The following THSD4 variants were observed in gnomAD, a reference collection of about 807,000 sequenced individuals.
THSD4 encodes thrombospondin type-1 domain-containing protein 4.
THSD4 carries 69 observed loss-of-function variants against 119.0 expected under a neutral mutation model. That is an observed-to-expected ratio of 0.58 (90% CI 0.48 to 0.71). THSD4 has a LOEUF of 0.71. Ranked by LOEUF, THSD4 falls within the 30% of genes least tolerant of loss-of-function variation. THSD4 has a pLI of 0.00. For missense variants in THSD4, 1,393 were observed against 1,391.1 expected (o/e 1.00, Z -0.02); for synonymous variants, 524 against 540.4 (o/e 0.97, Z 0.42).
At chr15:71,311,092 A>G (rs558511546) in intron 6 of THSD4, among the ~76,000 whole-genome samples, 25 of 152,120 alleles carry the variant, frequency 1.6e-4, no homozygotes, top group Non-Finnish European at 2.8e-4. Flanking sequence ...GAGCCTTCCA[A>G]TTTCTTAACT....
intron 7 of THSD4, among the ~76,000 whole-genome samples, chr15:71,563,281 G>A (rs915087249): frequency 6.6e-6 from 1 of 152,118 alleles, no homozygotes; most frequent in Non-Finnish European, 1.5e-5. Context: ...GAGTCTTGCT[G>A]GAGGACCCAC....
At chr15:71,588,428 T>C (rs1188224669) in intron 7 of THSD4, among the ~76,000 whole-genome samples, 1 of 152,022 alleles carries the variant, frequency 6.6e-6, no homozygotes, top group African/African-American at 2.4e-5. Flanking sequence ...TTAATTTATT[T>C]ATTTATTTTT....
In THSD4 at chr15:71,243,047, CA is replaced by C; in HGVS notation, c.865del (p.Ile289SerfsTer51). On this transcript the variant is annotated frameshift_variant, in exon 5 of 18. Transcript: ENST00000261862. LOFTEE classifies it high-confidence loss of function. ...TTCTCTCAGCCTGCCCGATCTACAG[CA>C]ATCTCATGCATCGGGGCCTATCGGC... is the stretch of plus-strand genomic sequence containing the variant. ...QSFSQPARST[A>X]ISCIGAYRQY... The C allele has an allele frequency of 6.2e-7, 1 of 1,614,206 alleles. No individual in the cohort carries two copies. The highest frequency in any genetic ancestry group is 1.3e-5 in the African/African-American group (1 of 75,072).
intron 8 of THSD4, among the ~76,000 whole-genome samples, chr15:71,718,679 G>A (rs888056032): frequency 2.0e-5 from 3 of 151,970 alleles, no homozygotes; most frequent in Non-Finnish European, 2.9e-5. Flanking sequence ...CGCTCCCAGC[G>A]CCCCACAACT....
chr15:71,520,016 G>C (rs1357983401), intron 7 of THSD4, among the ~76,000 whole-genome samples: 1 of 152,162 alleles, frequency 6.6e-6, no homozygotes, highest in Admixed American at 6.5e-5. Context: ...AACATGTACT[G>C]TCTGTCTAGC....
At chr15:71,368,685 C>T (rs1355873089) in intron 6 of THSD4, among the ~76,000 whole-genome samples, 8 of 152,114 alleles carry the variant, frequency 5.3e-5, no homozygotes, top group Non-Finnish European at 8.8e-5. Flanking sequence ...TTGGTTACTG[C>T]AGCCTTGTAG....
chr15:71,672,742 T>C (rs2051558571), intron 8 of THSD4, among the ~76,000 whole-genome samples: 1 of 152,242 alleles, frequency 6.6e-6, no homozygotes, highest in Admixed American at 6.5e-5. Flanking sequence ...TCTATTGAGA[T>C]AATCATGTGG....
intron 7 of THSD4, among the ~76,000 whole-genome samples, chr15:71,562,982 T>C (rs1030190861): frequency 1.3e-5 from 2 of 152,146 alleles, no homozygotes; most frequent in African/African-American, 4.8e-5. Flanking sequence ...CTCTGGTCTT[T>C]AAATGCCCTT....
Position 71,691,804 on chromosome 15 carries a change from T to G in THSD4, c.1357+31070T>G, listed in dbSNP as rs191989949. 6.8e-4 allele frequency among the ~76,000 whole-genome samples: 104 copies of G among 152,248 alleles called. 2 individuals carry two copies. The East Asian group carries it at 0.019, about 28-fold the overall frequency. ...ACTGCCTTGCCCTGGGGATCCCTAG[T>G]GAACCATTGCTGGGAGGCTCAGATG... is the stretch of plus-strand genomic sequence containing the variant. On this transcript the variant is annotated intron_variant, in intron 8 of 17. Coordinates refer to ENST00000261862, the MANE Select transcript of THSD4 (RefSeq NM_024817.3).
chr15:71,578,697 T>G (rs778883087), intron 7 of THSD4, among the ~76,000 whole-genome samples: 6 of 152,178 alleles, frequency 3.9e-5, no homozygotes, highest in Non-Finnish European at 8.8e-5. Context: ...TAAACAGCCA[T>G]TCGATAGACT....
At chr15:71,196,742 G>A (rs2043722812) in intron 3 of THSD4, among the ~76,000 whole-genome samples, 1 of 152,126 alleles carries the variant, frequency 6.6e-6, no homozygotes, top group Non-Finnish European at 1.5e-5. Context: ...GCATGGGCAA[G>A]CAGGAACACG....
chr15:71,681,338 G>A (rs191020599), intron 8 of THSD4, among the ~76,000 whole-genome samples: 1 of 152,086 alleles, frequency 6.6e-6, no homozygotes, highest in East Asian at 1.9e-4. Context: ...AAAAGCAAAA[G>A]ACAATTTTTT....
chr15:71,165,294 A>G (rs2043285011), intron 3 of THSD4: 1 of 1,592,240 alleles, frequency 6.3e-7, no homozygotes, highest in Non-Finnish European at 8.6e-7. Flanking sequence ...CACTTCTTAG[A>G]AAACTCTTGA....
chr15:71,362,260 C>G (rs1813813961), intron 6 of THSD4, among the ~76,000 whole-genome samples: 1 of 152,192 alleles, frequency 6.6e-6, no homozygotes, highest in South Asian at 2.1e-4. Context: ...GCCTGGTTGA[C>G]ACAGTGAGAC....
intron 8 of THSD4, among the ~76,000 whole-genome samples, chr15:71,670,230 T>A (rs989543496): frequency 6.7e-6 from 1 of 149,454 alleles, no homozygotes; most frequent in East Asian, 2.1e-4. Flanking sequence ...ATCCCTCCCC[T>A]ATCCCCCACC....
intron 7 of THSD4, among the ~76,000 whole-genome samples, chr15:71,644,640 C>T (rs188324981): frequency 1.3e-5 from 2 of 152,304 alleles, no homozygotes; most frequent in East Asian, 3.9e-4. Flanking sequence ...CAATATGTTG[C>T]TGACTTTGAG....
intron 3 of THSD4, among the ~76,000 whole-genome samples, chr15:71,165,664 G>A (rs1323780319): frequency 6.6e-6 from 1 of 152,150 alleles, no homozygotes; most frequent in Non-Finnish European, 1.5e-5. Flanking sequence ...TTTTTCAACT[G>A]TAATCTTCAT....
In THSD4 at chr15:71,734,941, A is replaced by G. The variant is rs186048742; in HGVS notation, c.1631-2791A>G. 1.1e-3 allele frequency among the ~76,000 whole-genome samples: 173 copies of G among 152,184 alleles called. 3 individuals are homozygous for G. The highest frequency in any genetic ancestry group is 1.0e-2 in the Admixed American group (152 of 15,270). On this transcript the variant is annotated intron_variant, in intron 10 of 17. Coordinates refer to ENST00000261862, the MANE Select transcript of THSD4 (RefSeq NM_024817.3). Reference sequence around the variant, plus strand: ...TGCATACACAAACATGTTTCCAGCCATTTGAATCATCATCTACAATCTCAG... The same window carrying G: ...TGCATACACAAACATGTTTCCAGCCGTTTGAATCATCATCTACAATCTCAG...
At chr15:71,289,537 T>TGGG (rs1243781018) in intron 6 of THSD4, among the ~76,000 whole-genome samples, 1 of 152,162 alleles carries the variant, frequency 6.6e-6, no homozygotes, top group East Asian at 1.9e-4. Context: ...GCCTCCCTTT[T>TGGG]GGGGGTTCTC....
Sources: allele counts gnomAD v4.1 joint callset (sites outside exome capture counted in the v4.1 genomes callset), GRCh38; gene constraint gnomAD v4.1.1; transcripts MANE v1.5; gene names NCBI Gene and HGNC (gene_info 2026-07-23, HGNC 2026-07-21).